GRAMD1B: variants seen among roughly 807,000 people sequenced by gnomAD.
The protein encoded by GRAMD1B is protein Aster-B.
GRAMD1B carries 37 observed loss-of-function variants against 99.7 expected under a neutral mutation model. That is an observed-to-expected ratio of 0.37 (90% confidence interval 0.29 to 0.49). The LOEUF (loss-of-function observed/expected upper bound fraction) is 0.49, where lower values mean the gene tolerates loss of function less well. GRAMD1B is among the 20% of genes least tolerant of loss of function. The probability of loss-of-function intolerance (pLI) is 0.98; values close to 1 mark genes in which losing one functional copy is unlikely to be tolerated. For missense variants in GRAMD1B, 888 were observed against 1,009.2 expected (o/e 0.88, Z 1.63); for synonymous variants, 427 against 387.6 (o/e 1.10, Z -1.19).
chr11:123,563,155 A>G (rs1420372590), intron 2 of GRAMD1B, among the ~76,000 whole-genome samples: 1 of 152,186 alleles, frequency 6.6e-6, no homozygotes, highest in Non-Finnish European at 1.5e-5. Context: ...TGTCACGTGG[A>G]GGAGAAATTA....
At chr11:123,530,467 T>C (rs984485632) in intron 2 of GRAMD1B, among the ~76,000 whole-genome samples, 5 of 152,214 alleles carry the variant, frequency 3.3e-5, no homozygotes, top group African/African-American at 1.2e-4. Flanking sequence ...AACTTCCCCG[T>C]CCCCCCGGAT....
chr11:123,417,103 A>C (rs905475786), intron 1 of GRAMD1B, among the ~76,000 whole-genome samples: 3 of 152,220 alleles, frequency 2.0e-5, no homozygotes, highest in African/African-American at 7.2e-5. Context: ...GGCAGGGTGC[A>C]GTGGCTTAAG....
intron 1 of GRAMD1B, among the ~76,000 whole-genome samples, chr11:123,410,161 G>A (rs1947990868): frequency 6.6e-6 from 1 of 151,952 alleles, no homozygotes; most frequent in South Asian, 2.1e-4. Flanking sequence ...ACTCATAGAA[G>A]AGAAGATTTT....
intron 2 of GRAMD1B, chr11:123,559,692 G>GT: frequency 1.0e-6 from 1 of 985,106 alleles, no homozygotes; most frequent in Non-Finnish European, 1.2e-6. Context: ...TGCCACGAAT[G>GT]TAAGTGCTTT....
intron 1 of GRAMD1B, among the ~76,000 whole-genome samples, chr11:123,432,971 G>A (rs1003579037): frequency 6.6e-6 from 1 of 152,310 alleles, no homozygotes; most frequent in Middle Eastern, 3.4e-3. Flanking sequence ...GGGGATAGAA[G>A]TTCTTTCTGT....
intron 2 of GRAMD1B, among the ~76,000 whole-genome samples, chr11:123,552,273 C>CTTTTTTT (rs71060514): frequency 2.3e-4 from 27 of 119,308 alleles, no homozygotes; most frequent in Non-Finnish European, 2.5e-4. Flanking sequence ...CTCTTTCTTT[C>CTTTTTTT]TTTTTTTTTT....
At chr11:123,461,586 C>A (rs987676872) in intron 1 of GRAMD1B, among the ~76,000 whole-genome samples, 3 of 152,192 alleles carry the variant, frequency 2.0e-5, no homozygotes, top group Admixed American at 1.3e-4. Context: ...GTTGTTGAGA[C>A]AGCTCTACTT....
chr11:123,384,611 G>A (rs1004152964), intron 1 of GRAMD1B, among the ~76,000 whole-genome samples: 2 of 152,116 alleles, frequency 1.3e-5, no homozygotes, highest in Non-Finnish European at 2.9e-5. Flanking sequence ...TCTGTTTATT[G>A]TTTTATTCTC....
chr11:123,443,044 A>G (rs1270103022), intron 1 of GRAMD1B, among the ~76,000 whole-genome samples: 1 of 152,022 alleles, frequency 6.6e-6, no homozygotes, highest in African/African-American at 2.4e-5. Context: ...CAAGGTCTTT[A>G]TGACCTGTAT....
chr11:123,431,285 G>A, intron 1 of GRAMD1B, 119 bp downstream of exon 1: 2 of 595,658 alleles, frequency 3.4e-6, no homozygotes, highest in South Asian at 2.0e-5. Context: ...GTCACCAGAG[G>A]CGCTTCTGGA....
At position 123,623,094 on chromosome 11, in the gene GRAMD1B, G is replaced by A. The variant is rs1006055687; in HGVS notation, c.*499G>A. ...CAGGCATTCTCTTGGGAACACAGAAGCATCAAGGGAGCCCAGTCTAAACTC... is the reference window on the plus strand; with the variant it reads ...CAGGCATTCTCTTGGGAACACAGAAACATCAAGGGAGCCCAGTCTAAACTC... On this transcript the variant is annotated 3_prime_UTR_variant, in exon 20 of 20. Transcript: ENST00000635736. 1 of 152,194 alleles carries A rather than the reference G, an allele frequency of 6.6e-6. No individual in the cohort carries two copies. Among genetic ancestry groups the A allele is most frequent in the South Asian group, 2.1e-4 (1 of 4,830 alleles). 9.4% of individuals were successfully genotyped at this position (152,194 alleles called of 1,614,324 possible).
chr11:123,375,666 G>A (rs1946669367), intron 1 of GRAMD1B, among the ~76,000 whole-genome samples: 1 of 152,162 alleles, frequency 6.6e-6, no homozygotes, highest in South Asian at 2.1e-4. Context: ...GTCACACTGG[G>A]CCTTGAACAC....
chr11:123,372,961 G>A (rs147639844), intron 1 of GRAMD1B, among the ~76,000 whole-genome samples: 2,227 of 152,004 alleles, frequency 0.015, 29 homozygotes, highest in African/African-American at 0.031. Flanking sequence ...CCAACATGGC[G>A]AAAACCATCT....
chr11:123,399,125 TTC>T (rs1947567987), intron 1 of GRAMD1B, among the ~76,000 whole-genome samples: 1 of 152,238 alleles, frequency 6.6e-6, no homozygotes, highest in South Asian at 2.1e-4. Context: ...CAACATTCTA[TTC>T]TCTGTTACTA....
In GRAMD1B at chr11:123,610,459, A is replaced by C. The variant is rs943294510; in HGVS notation, c.1919+121A>C. The C allele has an allele frequency of 2.1e-6, 2 of 948,456 alleles. No homozygotes were observed. The highest frequency in any genetic ancestry group is 3.3e-4 in the Middle Eastern group (1 of 3,062). The allele number at this position is 948,456 out of a possible 1,614,324, so 58.8% of individuals were successfully genotyped here. A position where few individuals can be genotyped will look rare whatever the true frequency, so the allele number is the denominator to read the frequency against. On this transcript the variant is annotated intron_variant, in intron 14 of 19. Transcript: ENST00000635736. The surrounding 1 kb of genome is among the most constrained non-coding windows in gnomAD (Gnocchi z 4.1). The stretch of plus-strand genomic sequence containing the variant: ...CTTGGCTGCTGACTCTCTTTATTCT[A>C]CTTTCTCTCCGAAGCCTTATGAGGC...
At chr11:123,563,609 T>C (rs1947041360) in intron 2 of GRAMD1B, among the ~76,000 whole-genome samples, 1 of 151,692 alleles carries the variant, frequency 6.6e-6, no homozygotes, top group African/African-American at 2.4e-5. Flanking sequence ...TCTCCAGGGC[T>C]CAAGCAATCC....
intron 1 of GRAMD1B, among the ~76,000 whole-genome samples, chr11:123,384,543 G>T (rs1215020124): frequency 6.6e-6 from 1 of 151,622 alleles, no homozygotes; most frequent in Non-Finnish European, 1.5e-5. Flanking sequence ...TTATTTATTT[G>T]ACTGTTTCTT....
At position 123,513,578 on chromosome 11, in the gene GRAMD1B, T is replaced by TTCC. The variant is rs1555050112; in HGVS notation, c.452+32686_452+32687insCCT. ...TTTCCTTCCTTCCTTCCTTCCTTCCTTTCCTTCCTTCCTTCCTTCCTTCCT... is the reference window on the plus strand; with the variant it reads ...TTTCCTTCCTTCCTTCCTTCCTTCCTTCCTTCCTTCCTTCCTTCCTTCCTTCCT... On this transcript the variant is annotated intron_variant, in intron 2 of 19. Coordinates refer to ENST00000635736, the MANE Select transcript of GRAMD1B (RefSeq NM_001387025.1). Among the ~76,000 whole-genome samples the TTCC allele has an allele frequency of 7.7e-3, 321 of 41,566 alleles. 3 individuals are homozygous for TTCC. Among genetic ancestry groups the TTCC allele is most frequent in the African/African-American group, 0.021 (226 of 10,700 alleles). 27.3% of individuals were successfully genotyped at this position (41,566 alleles called of 152,430 possible).
rs553598953 is a variant in GRAMD1B, at chr11:123,586,526, G to A, written c.684+2194G>A. Among the ~76,000 whole-genome samples, 7 of 152,294 alleles carry A rather than the reference G, an allele frequency of 4.6e-5. No individual in the cohort carries two copies. In the South Asian group the frequency reaches 6.2e-4, roughly 14 times the overall value. On this transcript the variant is annotated intron_variant, in intron 4 of 19. Coordinates refer to ENST00000635736, the MANE Select transcript of GRAMD1B (RefSeq NM_001387025.1). The stretch of plus-strand genomic sequence containing the variant: ...GGGCGGTCCTCTCCTGGACTCATGC[G>A]GTCCCTCTGGGGGTCCGCCCTCGGG...
Sources: allele counts gnomAD v4.1 joint callset (sites outside exome capture counted in the v4.1 genomes callset), GRCh38; gene constraint gnomAD v4.1.1; non-coding constraint Gnocchi (gnomAD v3.1); transcripts MANE v1.5; gene names NCBI Gene and HGNC (gene_info 2026-07-23, HGNC 2026-07-21).